Variants in ATXN2 observed in about 807,000 individuals in gnomAD.
ATXN2 encodes ataxin 2.
A neutral mutation model predicts 138.6 loss-of-function variants in ATXN2; 37 were observed. The ratio of observed to expected loss-of-function variants is 0.27; its 90% CI spans 0.21 to 0.35. The LOEUF (loss-of-function observed/expected upper bound fraction) is 0.35. Among genes scored for constraint, ATXN2 ranks in the 10% least tolerant of loss-of-function variants. ATXN2 has a pLI of 1.00. For missense variants in ATXN2, 1,216 were observed against 1,480.3 expected (o/e 0.82, Z 2.93); for synonymous variants, 549 against 543.7 (o/e 1.01, Z -0.13).
intron 1 of ATXN2, among the ~76,000 whole-genome samples, chr12:111,592,164 C>A (rs931494375): frequency 6.6e-6 from 1 of 150,920 alleles, no homozygotes; most frequent in Non-Finnish European, 1.5e-5. Flanking sequence ...CCGAGGCAAG[C>A]GAATCACCTG....
Position 111,552,214 on chromosome 12 carries a change from C to G in ATXN2, c.571+66G>C. Reference sequence around the variant, plus strand: ...TCTTTAAAAAAAGTTTGTAAGATCACTGTGAAAATCTTTGCTTGAATAAAT... The same window carrying G: ...TCTTTAAAAAAAGTTTGTAAGATCAGTGTGAAAATCTTTGCTTGAATAAAT... On this transcript the variant is annotated intron_variant, in intron 5 of 24. Coordinates refer to ENST00000673436, the MANE Select transcript of ATXN2 (RefSeq NM_001372574.1). The surrounding 1 kb of genome is among the most constrained non-coding windows in gnomAD (Gnocchi z 4.1). 2.0e-6 allele frequency: 3 copies of G among 1,472,620 alleles called. No homozygotes were observed. Among genetic ancestry groups the G allele is most frequent in the Non-Finnish European group, 2.7e-6 (3 of 1,103,156 alleles). The allele number at this position is 1,472,620 out of a possible 1,614,324, so 91.2% of individuals were successfully genotyped here.
At chr12:111,586,580 G>T (rs11065967) in intron 1 of ATXN2, among the ~76,000 whole-genome samples, 94,536 of 151,432 alleles carry the variant, frequency 0.62, 33,720 homozygotes, top group Non-Finnish European at 0.79. Context: ...TAGAGATGGG[G>T]TTTCACCCTG....
chr12:111,500,820 T>C (rs1019881173), intron 14 of ATXN2, among the ~76,000 whole-genome samples: 2 of 152,064 alleles, frequency 1.3e-5, no homozygotes, highest in African/African-American at 2.4e-5. Context: ...TTGCAGTGAG[T>C]TGAGACTGCG....
At chr12:111,599,544 G>A (rs1885163594), upstream of ATXN2, 5 of 1,194,968 alleles carry the variant, frequency 4.2e-6, no homozygotes, top group South Asian at 1.5e-4. Flanking sequence ...GGCGCCGGGT[G>A]GGAGCGGAGG....
At chr12:111,506,801 T>C (rs991013686) in intron 14 of ATXN2, among the ~76,000 whole-genome samples, 3 of 152,200 alleles carry the variant, frequency 2.0e-5, no homozygotes, top group South Asian at 2.1e-4. Flanking sequence ...GTGCCTGTGA[T>C]TGCAGGCCCG....
chr12:111,567,417 T>C (rs971966694), intron 1 of ATXN2, among the ~76,000 whole-genome samples: 2 of 151,844 alleles, frequency 1.3e-5, no homozygotes, highest in Non-Finnish European at 2.9e-5. Context: ...GGAGAATCAC[T>C]TGAACCCGGA....
intron 6 of ATXN2, among the ~76,000 whole-genome samples, chr12:111,524,479 A>C (rs1880369855): frequency 6.6e-6 from 1 of 152,082 alleles, no homozygotes. Context: ...TTTATTTCTT[A>C]GAGAAGGGGT....
intron 1 of ATXN2, among the ~76,000 whole-genome samples, chr12:111,563,176 G>A (rs1882792544): frequency 6.6e-6 from 1 of 152,124 alleles, no homozygotes. Flanking sequence ...AGTCATAAAA[G>A]ACAAAGAAAC....
chr12:111,454,444 CAGGAGGAGGAGG>C (rs938283476), intron 23 of ATXN2: 1 of 153,832 alleles, frequency 6.5e-6, no homozygotes, highest in Admixed American at 6.5e-5. Flanking sequence ...GCTGATGGAG[CAGGAGGAGGAGG>C]AGGAGTTGGA....
At chr12:111,520,424 A>G (rs577052761) in intron 7 of ATXN2, among the ~76,000 whole-genome samples, 1 of 152,260 alleles carries the variant, frequency 6.6e-6, no homozygotes, top group African/African-American at 2.4e-5. Flanking sequence ...AGGCCGAGGC[A>G]GGTGGATCAC....
intron 21 of ATXN2, among the ~76,000 whole-genome samples, chr12:111,459,730 G>A (rs1875414747): frequency 6.7e-6 from 1 of 150,356 alleles, no homozygotes; most frequent in South Asian, 2.1e-4. Context: ...ATGAGCCACT[G>A]CGCCCGGCCA....
At chr12:111,554,114 T>C (rs1192610705) in intron 3 of ATXN2, 44 bp downstream of exon 3, 2 of 1,277,620 alleles carry the variant, frequency 1.6e-6, no homozygotes, top group African/African-American at 3.1e-5. Flanking sequence ...AATTACTTTA[T>C]TCTACCCCCA....
intron 21 of ATXN2, among the ~76,000 whole-genome samples, chr12:111,464,247 G>C (rs865943620): frequency 7.4e-6 from 1 of 134,630 alleles, no homozygotes; most frequent in Non-Finnish European, 1.6e-5. Flanking sequence ...TGTGGCTTGG[G>C]GTGTGTGTGT....
intron 1 of ATXN2, among the ~76,000 whole-genome samples, chr12:111,597,158 G>T (rs565715165): frequency 2.0e-5 from 3 of 151,742 alleles, no homozygotes; most frequent in Non-Finnish European, 2.9e-5. Context: ...GAAGGGGAAG[G>T]GGGGGCGGGG....
intron 5 of ATXN2, among the ~76,000 whole-genome samples, chr12:111,528,629 T>C (rs902722827): frequency 6.6e-6 from 1 of 152,142 alleles, no homozygotes; most frequent in Admixed American, 6.5e-5. Context: ...GAGACAGAAA[T>C]GGGGAAGGGG....
At chr12:111,495,448 A>G (rs1878356215) in intron 14 of ATXN2, among the ~76,000 whole-genome samples, 1 of 152,314 alleles carries the variant, frequency 6.6e-6, no homozygotes, top group Middle Eastern at 3.4e-3. Flanking sequence ...AGGAGTAGCT[A>G]TGCTTAGATA....
chr12:111,467,141 T>C (rs1336299810), intron 20 of ATXN2, among the ~76,000 whole-genome samples: 1 of 151,808 alleles, frequency 6.6e-6, no homozygotes, highest in Admixed American at 6.6e-5. Flanking sequence ...TTCTTTCTTA[T>C]GTTTTCTTTT....
At position 111,579,746 on chromosome 12, in the gene ATXN2, T is replaced by C. The variant is rs557468828; in HGVS notation, c.251+19038A>G. Among the ~76,000 whole-genome samples, 47 of 151,436 alleles carry C rather than the reference T, an allele frequency of 3.1e-4. No homozygotes were observed. In the Middle Eastern group the frequency reaches 0.01, roughly 34 times the overall value. The stretch of plus-strand genomic sequence containing the variant: ...AAGAGTCTCACTATGTCACCCAGGC[T>C]GGAGTGCAGTGGCGTGTTCTTGGTT... On this transcript the variant is annotated intron_variant, in intron 1 of 24. Transcript: ENST00000673436.
At chr12:111,556,213 C>T (rs575125951) in intron 1 of ATXN2, among the ~76,000 whole-genome samples, 13 of 151,996 alleles carry the variant, frequency 8.6e-5, no homozygotes, top group Non-Finnish European at 1.5e-4. Context: ...TAATGCTAAA[C>T]GTAAATTAAT....
Sources: allele counts gnomAD v4.1 joint callset (sites outside exome capture counted in the v4.1 genomes callset), GRCh38; gene constraint gnomAD v4.1.1; non-coding constraint Gnocchi (gnomAD v3.1); transcripts MANE v1.5; gene names NCBI Gene and HGNC (gene_info 2026-07-23, HGNC 2026-07-21).